The following RBFOX1 variants were observed in gnomAD, a reference collection of about 807,000 sequenced individuals.
RBFOX1 encodes RNA binding protein fox-1 homolog 1.
Under a neutral mutation model 57.7 loss-of-function variants are expected in RBFOX1, and 8 were observed. The ratio of observed to expected loss-of-function variants is 0.14; its 90% CI spans 0.08 to 0.25. The LOEUF (loss-of-function observed/expected upper bound fraction) is 0.25, where lower values mean the gene tolerates loss of function less well. Among genes scored for constraint, RBFOX1 ranks in the 10% least tolerant of loss-of-function variants. The pLI, the probability that RBFOX1 is intolerant of heterozygous loss-of-function variation, is 1.00. For synonymous variants in RBFOX1, 326 were observed against 222.4 expected (o/e 1.47, Z -4.15); for missense variants, 611 against 548.5 (o/e 1.11, Z -1.14).
intron 2 of RBFOX1, among the ~76,000 whole-genome samples, chr16:6,484,253 G>A (rs1284367234): frequency 6.6e-6 from 1 of 152,202 alleles, no homozygotes; most frequent in East Asian, 1.9e-4. Flanking sequence ...GATGGGTTGT[G>A]CATTTGCGAA....
intron 3 of RBFOX1, among the ~76,000 whole-genome samples, chr16:6,867,881 T>C (rs1445473518): frequency 6.6e-6 from 1 of 152,180 alleles, no homozygotes; most frequent in African/African-American, 2.4e-5. Context: ...CGATGTATTA[T>C]ATAGTCATTC....
At chr16:6,541,011 G>T (rs7185614) in intron 2 of RBFOX1, among the ~76,000 whole-genome samples, 346 of 152,320 alleles carry the variant, frequency 2.3e-3, no homozygotes, top group African/African-American at 7.9e-3. Context: ...GAGCAAGCAT[G>T]AGTGAATCAA....
At chr16:6,814,895 G>C (rs1473826252) in intron 3 of RBFOX1, among the ~76,000 whole-genome samples, 1 of 152,120 alleles carries the variant, frequency 6.6e-6, no homozygotes, top group Non-Finnish European at 1.5e-5. Flanking sequence ...AGAATTTGGG[G>C]CGAGTCCATA....
chr16:6,340,955 GA>G (rs1277657378), intron 2 of RBFOX1, among the ~76,000 whole-genome samples: 2 of 152,018 alleles, frequency 1.3e-5, no homozygotes, highest in African/African-American at 2.4e-5. Flanking sequence ...AAAACCAGAA[GA>G]AAAAAGGGGA....
At chr16:6,681,470 T>G (rs1326592584) in intron 3 of RBFOX1, among the ~76,000 whole-genome samples, 1 of 152,226 alleles carries the variant, frequency 6.6e-6, no homozygotes, top group East Asian at 1.9e-4. Context: ...ATAACCAGAT[T>G]TAGCAGAAGT....
At chr16:6,797,861 C>G (rs1318466373) in intron 3 of RBFOX1, among the ~76,000 whole-genome samples, 1 of 152,076 alleles carries the variant, frequency 6.6e-6, no homozygotes, top group Admixed American at 6.6e-5. Flanking sequence ...AGTTGCTATC[C>G]CATTTCTACT....
chr16:6,688,134 A>G (rs1057024389), intron 3 of RBFOX1, among the ~76,000 whole-genome samples: 1 of 152,140 alleles, frequency 6.6e-6, no homozygotes, highest in Non-Finnish European at 1.5e-5. Context: ...GCTGTACAGG[A>G]AGCACCACGG....
intron 4 of RBFOX1, among the ~76,000 whole-genome samples, chr16:7,064,908 G>C (rs1342195522): frequency 6.6e-6 from 1 of 152,180 alleles, no homozygotes; most frequent in East Asian, 1.9e-4. Flanking sequence ...CTCTGTATGT[G>C]CATTTTCTTG....
At chr16:6,559,749 C>G (rs2097155129) in intron 2 of RBFOX1, among the ~76,000 whole-genome samples, 1 of 151,954 alleles carries the variant, frequency 6.6e-6, no homozygotes. Flanking sequence ...CTCTTTATAT[C>G]CATATATTGA....
intron 1 of RBFOX1, among the ~76,000 whole-genome samples, chr16:5,383,074 T>G (rs4786027): frequency 0.39 from 59,307 of 152,004 alleles, 11,869 homozygotes; most frequent in Non-Finnish European, 0.42. Context: ...TGCCACAGTT[T>G]CCAGATGCGG....
chr16:6,530,994 A>G (rs2096650102), intron 2 of RBFOX1, among the ~76,000 whole-genome samples: 1 of 152,102 alleles, frequency 6.6e-6, no homozygotes, highest in Non-Finnish European at 1.5e-5. Context: ...GTCTGTTCCA[A>G]CCATGCATCG....
At chr16:7,432,746 G>T (rs1479177165) in intron 4 of RBFOX1, among the ~76,000 whole-genome samples, 2 of 152,194 alleles carry the variant, frequency 1.3e-5, no homozygotes, top group Admixed American at 6.5e-5. Flanking sequence ...CTAGACTCCA[G>T]CTGATGGCCT....
intron 3 of RBFOX1, among the ~76,000 whole-genome samples, chr16:5,768,073 A>G (rs1440171413): frequency 6.6e-6 from 1 of 152,228 alleles, no homozygotes; most frequent in South Asian, 2.1e-4. Context: ...TTCCAAGAGT[A>G]GACTGCATTT....
chr16:7,032,857 G>A (rs1030887626), intron 3 of RBFOX1, among the ~76,000 whole-genome samples: 2 of 152,164 alleles, frequency 1.3e-5, no homozygotes, highest in African/African-American at 4.8e-5. Flanking sequence ...TGGGAAACTT[G>A]TCTAACTTCC....
chr16:7,429,555 A>G (rs1346595501), intron 4 of RBFOX1, among the ~76,000 whole-genome samples: 3 of 152,312 alleles, frequency 2.0e-5, no homozygotes, highest in Admixed American at 6.5e-5. Context: ...GAAGCCACCT[A>G]TTTTGTCCTC....
At chr16:5,977,522 G>A (rs576273081) in intron 4 of RBFOX1, among the ~76,000 whole-genome samples, 11 of 152,270 alleles carry the variant, frequency 7.2e-5, no homozygotes, top group Middle Eastern at 3.4e-3. Context: ...AGAGCATGGC[G>A]ATGCTTCGGT....
At chr16:6,416,502 C>CT (rs2093628400) in intron 2 of RBFOX1, among the ~76,000 whole-genome samples, 2 of 151,832 alleles carry the variant, frequency 1.3e-5, no homozygotes, top group South Asian at 2.1e-4. Flanking sequence ...TTCCATTTTT[C>CT]TTTTTTTACT....
chr16:7,107,407 C>G (rs1466643040), intron 4 of RBFOX1, among the ~76,000 whole-genome samples: 5 of 152,094 alleles, frequency 3.3e-5, no homozygotes, highest in African/African-American at 1.2e-4. Context: ...CTGGACCTCA[C>G]CTTAGGATTC....
chr16:6,667,521 T>C lies in RBFOX1; in HGVS notation c.-16+12871T>C, dbSNP rs187132010. ...GAGAGAATATTTTCTGGGGTCACTA[T>C]GGGACTCAATGAGCTCTTACACTGA... On this transcript the variant is annotated intron_variant, in intron 3 of 15. Transcript: ENST00000550418. Among the ~76,000 whole-genome samples the C allele has an allele frequency of 4.2e-4, 64 of 152,238 alleles. 1 individual carries two copies. Among genetic ancestry groups the C allele is most frequent in the Admixed American group, 2.2e-3 (33 of 15,282 alleles).
Sources: allele counts gnomAD v4.1 joint callset (sites outside exome capture counted in the v4.1 genomes callset), GRCh38; gene constraint gnomAD v4.1.1; transcripts MANE v1.5; gene names NCBI Gene and HGNC (gene_info 2026-07-23, HGNC 2026-07-21).